Variants in TTN observed in about 807,000 individuals in gnomAD.
TTN encodes the protein titin.
A neutral mutation model predicts 3,223.0 loss-of-function variants in TTN; 1,525 were observed. The observed-to-expected ratio is 0.47, with a 90% CI of 0.45 to 0.49. The LOEUF is 0.49. Ranked by LOEUF, TTN falls within the 20% of genes least tolerant of loss-of-function variation. TTN has a pLI of 0.00. For missense variants in TTN, 40,786 were observed against 43,424.0 expected (o/e 0.94, Z 5.40); for synonymous variants, 14,094 against 15,161.0 (o/e 0.93, Z 5.17).
In TTN at chr2:178,725,931, G is replaced by A. The variant is rs755018617; in HGVS notation, c.20391C>T (p.Asp6797=). The change falls in exon 70 of 363, where the codon GAC becomes GAT. Residue 6797 remains aspartate (D), a synonymous_variant. Transcript: ENST00000589042. ...TCTTGCTGCTTCTGAGTTGCCGCTT[G>A]TCTTTGTACCATACCACCTCAAACG... ...TPPFEVVWYK[D]KRQLRSSKKY... The A allele has an allele frequency of 6.2e-7, 1 of 1,613,012 alleles. No homozygotes were observed. The highest frequency in any genetic ancestry group is 1.7e-5 in the Admixed American group (1 of 59,884).
intron 99 of TTN, among the ~76,000 whole-genome samples, chr2:178,708,914 A>G (rs922489106): frequency 6.6e-5 from 10 of 152,200 alleles, no homozygotes; most frequent in African/African-American, 2.4e-4. Flanking sequence ...ACTGGAAGCC[A>G]TTACAGTGAA....
rs759756097 is a variant in TTN, at chr2:178,682,929, CACTTT to C, written c.32888-31_32888-27del. The C allele has an allele frequency of 1.9e-6, 3 of 1,555,994 alleles. No individual in the cohort carries two copies. The Admixed American group carries it at 6.1e-5, about 32-fold the overall frequency. The stretch of plus-strand genomic sequence containing the variant: ...CTGAAACAATATTAACAACAGGCAG[CACTTT>C]ACTTTAAAGCACTTTTAAGGATGAC... On this transcript the variant is annotated intron_variant, in intron 134 of 362. Transcript: ENST00000589042.
intron 14 of TTN, 22 bp downstream of exon 14, chr2:178,785,826 A>C: frequency 6.2e-7 from 1 of 1,614,124 alleles, no homozygotes; most frequent in Admixed American, 1.7e-5. Context: ...ACAAGGTGAA[A>C]AATCAGCAGG....
rs2077679485 is a variant in TTN at position 178,717,572 on chromosome 2, A to G, written c.25302T>C (p.Ala8434=). Residue 8434 remains alanine, a synonymous_variant, in exon 87 of 363, where the codon GCT becomes GCC. Transcript: ENST00000589042. ...QSHIGQYNCS[A]SNPLGTASSS... is the part of the protein sequence containing the mutation. ...ATGAAGCAGTCCCAAGAGGATTAGA[A>G]GCAGAGCAATTATACTGCCCTATGT... 9 of 1,613,056 alleles carry G rather than the reference A, an allele frequency of 5.6e-6. No homozygotes were observed. The highest frequency in any genetic ancestry group is 2.7e-5 in the African/African-American group (2 of 75,010).
At chr2:178,558,309 CA>C (rs1362935993) in intron 327 of TTN, 31 bp downstream of exon 327, 4 of 1,593,062 alleles carry the variant, frequency 2.5e-6, no homozygotes, top group Non-Finnish European at 3.4e-6. Context: ...CAAATAATTT[CA>C]AATTTTGCTT....
At chr2:178,786,702 C>G (rs1040000247) in intron 13 of TTN, among the ~76,000 whole-genome samples, 1 of 152,126 alleles carries the variant, frequency 6.6e-6, no homozygotes, top group African/African-American at 2.4e-5. Flanking sequence ...TTATGATTCC[C>G]TAAGGGTAAG....
rs766443861 is a variant in TTN at position 178,542,699 on chromosome 2, G to A, written c.97155C>T (p.Thr32385=). ...GEYTLELKNV[T]GTTSETIKVI... ...CTTTAATGGTTTCTGAAGTAGTTCC[G>A]GTAACATTCTTCAATTCAAGTGTGT... Residue 32385 remains threonine, a synonymous_variant, in exon 348 of 363, where the codon ACC becomes ACT. Transcript: ENST00000589042. 9.3e-6 allele frequency: 15 copies of A among 1,613,690 alleles called. No individual in the cohort carries two copies. Among genetic ancestry groups the A allele is most frequent in the Admixed American group, 1.7e-5 (1 of 60,016 alleles).
At position 178,556,888 on chromosome 2, in the gene TTN, T is replaced by C; in HGVS notation, c.88266A>G (p.Pro29422=). The change falls in exon 330 of 363, where the codon CCA becomes CCG. Residue 29422 remains proline (P), a synonymous_variant. Coordinates refer to ENST00000589042, the MANE Select transcript of TTN (RefSeq NM_001267550.2). ...ARNAVGSISN[P]SEVVGPITCI... is the part of the protein sequence containing the mutation. ...AAGTAATGGGCCCTACAACCTCAGA[T>C]GGATTGCTAATGGAACCAACAGCAT... 1 of 1,613,838 alleles carries C rather than the reference T, an allele frequency of 6.2e-7. No individual in the cohort carries two copies. The highest frequency in any genetic ancestry group is 1.1e-5 in the South Asian group (1 of 91,088).
chr2:178,580,259 A>G, intron 317 of TTN, 30 bp from the exon 318 acceptor site: 1 of 1,606,782 alleles, frequency 6.2e-7, no homozygotes, highest in Non-Finnish European at 8.5e-7. Context: ...ATAAGAAATG[A>G]ATGTGTAAAA....
chr2:178,614,185 G>A lies in TTN; in HGVS notation c.49212C>T (p.Thr16404=), dbSNP rs749784602. 10 of 1,612,188 alleles carry A rather than the reference G, an allele frequency of 6.2e-6. No individual in the cohort carries two copies. In the East Asian group the frequency reaches 6.7e-5, roughly 11 times the overall value. The change falls in exon 262 of 363, where the codon ACC becomes ACT. Residue 16404 remains threonine (T), a synonymous_variant. Transcript: ENST00000589042. ...DSEVWHKLSS[T]VKDTNFKATK... ...TGGCCTTGAAGTTTGTATCCTTGAC[G>A]GTGGATGAGAGCTTGTGCCACACTT...
In TTN at chr2:178,612,399, T is replaced by C. The variant is rs2056499137; in HGVS notation, c.50126A>G (p.Lys16709Arg). 1.2e-6 allele frequency: 2 copies of C among 1,612,416 alleles called. No homozygotes were observed. The change falls in exon 266 of 363, where the codon AAG becomes AGG. Residue 16709 changes from lysine (K) to arginine (R), a missense_variant. Transcript: ENST00000589042. ...CTCAGTCAGTGGGGTGACTGTGCAC[T>C]TGGTGTCCTTGACAGTGGTATCCAC... is the stretch of plus-strand genomic sequence containing the variant. ...QTVDTTVKDTKCTVTPLTEGS... is the reference protein window; with the variant it reads ...QTVDTTVKDTRCTVTPLTEGS...
chr2:178,585,655 A>G (rs894382989), intron 308 of TTN, among the ~76,000 whole-genome samples: 2 of 151,812 alleles, frequency 1.3e-5, no homozygotes, highest in Admixed American at 6.6e-5. Flanking sequence ...ATGTGTTTTC[A>G]TTGTTCAGCT....
intron 119 of TTN, among the ~76,000 whole-genome samples, chr2:178,692,817 C>T (rs934825352): frequency 2.6e-5 from 4 of 152,002 alleles, no homozygotes; most frequent in South Asian, 2.1e-4. Flanking sequence ...AATCCTCCCT[C>T]GGAGGTGCCT....
Position 178,604,766 on chromosome 2 carries a change from CT to C in TTN, c.54322del (p.Ser18108ValfsTer15). 6.2e-7 allele frequency: 1 copy of C among 1,612,246 alleles called. No individual in the cohort carries two copies. Among genetic ancestry groups the C allele is most frequent in the South Asian group, 1.1e-5 (1 of 90,894 alleles). ...THYVIDKRDASRKKAEWEEVT... is the reference protein window; with the variant it reads ...THYVIDKRDAXRKKAEWEEVT... ...TTCCTCCCATTCTGCTTTCTTCCTA[CT>C]TGCATCACGTTTGTCAATAACATAA... On this transcript the variant is annotated frameshift_variant, in exon 281 of 363. Coordinates refer to ENST00000589042, the MANE Select transcript of TTN (RefSeq NM_001267550.2). LOFTEE classifies it high-confidence loss of function.
At chr2:178,761,527 T>G (rs1574447328) in intron 43 of TTN, among the ~76,000 whole-genome samples, 1 of 152,334 alleles carries the variant, frequency 6.6e-6, no homozygotes, top group East Asian at 1.9e-4. Flanking sequence ...TTGGAGATGT[T>G]GTTTTCTCAT....
At position 178,541,507 on chromosome 2, in the gene TTN, C is replaced by T; in HGVS notation, c.97570G>A (p.Glu32524Lys). 6.2e-7 allele frequency: 1 copy of T among 1,613,270 alleles called. No individual in the cohort carries two copies. The highest frequency in any genetic ancestry group is 8.5e-7 in the Non-Finnish European group (1 of 1,179,524). Residue 32524 changes from glutamate to lysine, a missense_variant, in exon 350 of 363, where the codon GAG (glutamate) becomes AAG (lysine). By Grantham distance (56) the Glu-to-Lys change is moderately conservative. Coordinates refer to ENST00000589042, the MANE Select transcript of TTN (RefSeq NM_001267550.2). The stretch of plus-strand genomic sequence containing the variant: ...GTCACTTGGGAGCCACCGTCATCCT[C>T]TGGTGGGTACCAAGTAAGTGTCATG... Reference protein sequence around the residue: ...DGMTLTWYPPEDDGGSQVTGY... With the variant: ...DGMTLTWYPPKDDGGSQVTGY...
rs765302250 is a variant in TTN, at chr2:178,533,213, C to T, written c.103402G>A (p.Glu34468Lys). 8 of 1,613,930 alleles carry T rather than the reference C, an allele frequency of 5.0e-6. No individual in the cohort carries two copies. Among genetic ancestry groups the T allele is most frequent in the Non-Finnish European group, 6.8e-6 (8 of 1,179,858 alleles). The change falls in exon 358 of 363, where the codon GAG becomes AAG. Residue 34468 changes from glutamate (E) to lysine (K), a missense_variant. Physicochemically the swap from Glu to Lys is moderately conservative, Grantham distance 56 (BLOSUM62 1). Transcript: ENST00000589042. ...YKKQEFKSKE[E>K]HERHVQKQID... ...TGTTTTTGTACGTGTCGCTCATGCT[C>T]CTCCTTACTCTTGAATTCCTGTTTC...
At position 178,776,816 on chromosome 2, in the gene TTN, C is replaced by A. The variant is rs368122582; in HGVS notation, c.5048G>T (p.Arg1683Leu). ...AAPELEPLHL[R>L]YGQEQWEEGD... is the part of the protein sequence containing the mutation. ...TTCTTCCCATTGCTCTTGGCCATAT[C>A]GCAAATGGAGGGGCTCCAGTTCTGG... Residue 1683 changes from arginine (R) to leucine (L), a missense_variant, in exon 28 of 363, where the codon CGA becomes CTA. By Grantham distance (102) the Arg-to-Leu change is moderately radical (BLOSUM62 -2). Coordinates refer to ENST00000589042, the MANE Select transcript of TTN (RefSeq NM_001267550.2). The A allele has an allele frequency of 1.9e-6, 3 of 1,614,000 alleles. No individual in the cohort carries two copies. The African/African-American group carries it at 4.0e-5, about 22-fold the overall frequency.
In TTN at chr2:178,795,093, C is replaced by T. The variant is rs747118838; in HGVS notation, c.1074G>A (p.Glu358=). ...EGYVASSSEA[E]MRETTLTTST... is the part of the protein sequence containing the mutation. ...AGGTTGTCAGCGTTGTCTCTCTCAT[C>T]TCAGCCTCAGATGAGGAGGCCACGT... Residue 358 remains glutamate (E), a synonymous_variant, in exon 7 of 363, where the codon GAG becomes GAA. Transcript: ENST00000589042. The T allele has an allele frequency of 6.2e-7, 1 of 1,613,952 alleles. No individual in the cohort carries two copies. Among genetic ancestry groups the T allele is most frequent in the African/African-American group, 1.3e-5 (1 of 74,936 alleles).
Sources: gnomAD v4.1 joint callset for allele counts (sites outside exome capture counted in the v4.1 genomes callset) on GRCh38, gnomAD v4.1.1 for gene constraint, MANE v1.5 for transcripts, NCBI Gene and HGNC (gene_info 2026-07-23, HGNC 2026-07-21) for gene names.